Variants in SPMIP7 observed in about 807,000 individuals in gnomAD.
The protein encoded by SPMIP7 is sperm microtubule inner protein 7.
chr7:50,133,409 T>C, the SPMIP7 span, among the ~76,000 whole-genome samples: 2 of 152,162 alleles, frequency 1.3e-5, no homozygotes, highest in Non-Finnish European at 2.9e-5. Context: ...CTTTGACCAA[T>C]AGCTGACCTT....
At chr7:50,132,453 A>G in the SPMIP7 span, among the ~76,000 whole-genome samples, 1 of 152,190 alleles carries the variant, frequency 6.6e-6, no homozygotes, top group African/African-American at 2.4e-5. Flanking sequence ...GAAAAGTTTT[A>G]TTATATGACA....
the SPMIP7 span, among the ~76,000 whole-genome samples, chr7:50,116,330 G>A: frequency 2.5e-4 from 38 of 152,156 alleles, no homozygotes; most frequent in Non-Finnish European, 1.9e-4. Flanking sequence ...GCCCAAGCTG[G>A]TCTGGAACTC....
the SPMIP7 span, among the ~76,000 whole-genome samples, chr7:50,146,284 A>T: frequency 6.6e-6 from 1 of 152,188 alleles, no homozygotes; most frequent in African/African-American, 2.4e-5. Flanking sequence ...AGCCAAGATC[A>T]CTCATTTCAT....
chr7:50,129,236 G>A, the SPMIP7 span, among the ~76,000 whole-genome samples: 1 of 151,544 alleles, frequency 6.6e-6, no homozygotes, highest in Non-Finnish European at 1.5e-5. Context: ...GCAAAAGGAG[G>A]CAACAAATTG....
the SPMIP7 span, among the ~76,000 whole-genome samples, chr7:50,111,697 C>A: frequency 3.3e-5 from 5 of 152,084 alleles, no homozygotes; most frequent in African/African-American, 4.8e-5. Context: ...AAAAGGGAAA[C>A]CCTGTCAAGG....
chr7:50,120,704 G>A, the SPMIP7 span, among the ~76,000 whole-genome samples: 14 of 152,162 alleles, frequency 9.2e-5, no homozygotes, highest in Admixed American at 1.3e-4. Context: ...TGGATGGCAA[G>A]GCTGGCTAGT....
At chr7:50,135,900 A>C in the SPMIP7 span, among the ~76,000 whole-genome samples, 2 of 152,224 alleles carry the variant, frequency 1.3e-5, no homozygotes, top group Non-Finnish European at 2.9e-5. Flanking sequence ...TGGAAATTGG[A>C]AGTCTGAGAT....
At chr7:50,103,922 T>A in the SPMIP7 span, among the ~76,000 whole-genome samples, 1 of 152,190 alleles carries the variant, frequency 6.6e-6, no homozygotes, top group African/African-American at 2.4e-5. Context: ...TACTAAATAT[T>A]TTTGAAGGCT....
the SPMIP7 span, chr7:50,096,167 G>C: frequency 2.6e-6 from 4 of 1,551,320 alleles, no homozygotes; most frequent in Non-Finnish European, 3.5e-6. Flanking sequence ...TGAGAATATA[G>C]ATTACCCACA....
the SPMIP7 span, among the ~76,000 whole-genome samples, chr7:50,133,113 A>G: frequency 6.6e-6 from 1 of 152,140 alleles, no homozygotes. Flanking sequence ...AGTCTTTAGA[A>G]TGAGGGTTGT....
At chr7:50,153,343 A>G in the SPMIP7 span, among the ~76,000 whole-genome samples, 1 of 152,186 alleles carries the variant, frequency 6.6e-6, no homozygotes, top group African/African-American at 2.4e-5. Context: ...AACAGCTGCC[A>G]TGCATGGGCC....
the SPMIP7 span, among the ~76,000 whole-genome samples, chr7:50,143,572 C>T: frequency 2.0e-5 from 3 of 152,104 alleles, no homozygotes; most frequent in South Asian, 4.1e-4. Flanking sequence ...TTAAAAATTT[C>T]CTTCATTAGT....
the SPMIP7 span, among the ~76,000 whole-genome samples, chr7:50,150,578 C>A: frequency 1.3e-5 from 2 of 152,210 alleles, no homozygotes; most frequent in Non-Finnish European, 2.9e-5. Flanking sequence ...CAACTCCTTG[C>A]AGCACACAGG....
At chr7:50,096,549 G>C in the SPMIP7 span, 1 of 1,551,832 alleles carries the variant, frequency 6.4e-7, no homozygotes, top group Non-Finnish European at 8.7e-7. Context: ...ACAATAAAAA[G>C]GCAAAAAATT....
At chr7:50,106,790 T>G in the SPMIP7 span, among the ~76,000 whole-genome samples, 1 of 152,152 alleles carries the variant, frequency 6.6e-6, no homozygotes, top group Admixed American at 6.5e-5. Context: ...AAATTATAAA[T>G]TACCAAATGG....
the SPMIP7 span, among the ~76,000 whole-genome samples, chr7:50,157,245 T>C: frequency 6.6e-6 from 1 of 152,134 alleles, no homozygotes; most frequent in African/African-American, 2.4e-5. Flanking sequence ...GACCCCACAG[T>C]GCCTCAGGAT....
chr7:50,144,198 C>G, the SPMIP7 span, among the ~76,000 whole-genome samples: 2 of 152,284 alleles, frequency 1.3e-5, no homozygotes, highest in East Asian at 3.9e-4. Flanking sequence ...AACATTGAAG[C>G]TCCACAAATA....
At chr7:50,134,399 C>A in the SPMIP7 span, among the ~76,000 whole-genome samples, 1 of 152,100 alleles carries the variant, frequency 6.6e-6, no homozygotes, top group Non-Finnish European at 1.5e-5. Flanking sequence ...CACACACACA[C>A]ACACACGTAT....
chr7:50,097,071 T>C, the SPMIP7 span, among the ~76,000 whole-genome samples: 2 of 152,216 alleles, frequency 1.3e-5, no homozygotes, highest in African/African-American at 4.8e-5. Flanking sequence ...GTACATTTTT[T>C]GGCTCCAATA....
Sources: allele counts gnomAD v4.1 joint callset (sites outside exome capture counted in the v4.1 genomes callset), GRCh38; gene constraint gnomAD v4.1.1; transcripts MANE v1.5; gene names NCBI Gene and HGNC (gene_info 2026-07-23, HGNC 2026-07-21).